The following TTC28 variants were observed in gnomAD, a reference collection of about 807,000 sequenced individuals.
The protein encoded by TTC28 is tetratricopeptide repeat domain 28, also known as tetratricopeptide repeat protein 28.
TTC28 carries 61 observed loss-of-function variants against 198.0 expected under a neutral mutation model. The ratio of observed to expected loss-of-function variants is 0.31; its 90% CI spans 0.25 to 0.38. TTC28 has a LOEUF of 0.38. TTC28 is among the 10% of genes least tolerant of loss of function. TTC28 has a pLI of 1.00. For missense variants in TTC28, 2,678 were observed against 3,164.0 expected (o/e 0.85, Z 3.69); for synonymous variants, 1,171 against 1,297.8 (o/e 0.90, Z 2.10).
chr22:28,422,986 G>GT lies in TTC28; in HGVS notation c.382-116344dup, dbSNP rs572072251. Among the ~76,000 whole-genome samples the GT allele has an allele frequency of 3.3e-5, 5 of 152,158 alleles. No individual in the cohort carries two copies. The South Asian group carries it at 1.0e-3, about 32-fold the overall frequency. On this transcript the variant is annotated intron_variant, in intron 2 of 22. Coordinates refer to ENST00000397906, the MANE Select transcript of TTC28 (RefSeq NM_001145418.2). ...CTTAAAATAGTGAAAGCAGAGTTTG[G>GT]TTTTTTAATGAAGAAATACAGATAA...
At chr22:28,063,886 C>T (rs1940649207) in intron 12 of TTC28, among the ~76,000 whole-genome samples, 1 of 152,054 alleles carries the variant, frequency 6.6e-6, no homozygotes, top group African/African-American at 2.4e-5. Flanking sequence ...TGCAGGGCGG[C>T]CGAGCAACAG....
chr22:28,643,477 T>C (rs2051402329), intron 1 of TTC28, among the ~76,000 whole-genome samples: 1 of 152,204 alleles, frequency 6.6e-6, no homozygotes, highest in South Asian at 2.1e-4. Flanking sequence ...TCCCAGTCCT[T>C]GGGTCAATTA....
At chr22:28,032,750 A>C (rs910412703) in intron 12 of TTC28, among the ~76,000 whole-genome samples, 2 of 151,982 alleles carry the variant, frequency 1.3e-5, no homozygotes, top group African/African-American at 2.4e-5. Flanking sequence ...CCCTCCCCCT[A>C]AAAGGCTCTA....
At chr22:28,527,445 T>G (rs1163403374) in intron 2 of TTC28, among the ~76,000 whole-genome samples, 1 of 152,170 alleles carries the variant, frequency 6.6e-6, no homozygotes, top group African/African-American at 2.4e-5. Context: ...TGCTTCAAGC[T>G]TGCCTAGTTA....
rs1437057404 is a variant in TTC28, at chr22:28,107,230, G to C, written c.2615C>G (p.Ser872Cys). 1 of 1,551,702 alleles carries C rather than the reference G, an allele frequency of 6.4e-7. No individual in the cohort carries two copies. Residue 872 changes from serine (S) to cysteine (C), a missense_variant, in exon 7 of 23, where the codon TCT becomes TGT. Physicochemically the swap from Ser to Cys is moderately radical, Grantham distance 112. This residue lies in a region of TTC28 where 775 missense variants were observed against 845.9 expected (regional missense o/e 0.92). Transcript: ENST00000397906. ...ATAGGCCCGGCCCCTGTCGAGCACA[G>C]ACTCATTTCCACTTAGCTGCTGCAG... ...AMLQQLSGNESVLDRGRAYGN... is the reference protein window; with the variant it reads ...AMLQQLSGNECVLDRGRAYGN...
At chr22:28,414,545 T>C (rs2047139371) in intron 2 of TTC28, among the ~76,000 whole-genome samples, 1 of 152,140 alleles carries the variant, frequency 6.6e-6, no homozygotes, top group East Asian at 1.9e-4. Context: ...CCCAGAGACA[T>C]GTGTGTCAGA....
intron 5 of TTC28, among the ~76,000 whole-genome samples, chr22:28,199,003 TGTCA>T (rs1406848077): frequency 6.6e-6 from 1 of 152,120 alleles, no homozygotes; most frequent in African/African-American, 2.4e-5. Flanking sequence ...GTTCAGTCCC[TGTCA>T]GTGTCACAAC....
At chr22:28,413,231 C>G (rs1346695963) in intron 2 of TTC28, among the ~76,000 whole-genome samples, 3 of 151,954 alleles carry the variant, frequency 2.0e-5, no homozygotes, top group Non-Finnish European at 4.4e-5. Context: ...GTCAAGAGAT[C>G]AAGACCATCC....
chr22:28,497,244 C>T (rs1376184591), intron 2 of TTC28, among the ~76,000 whole-genome samples: 1 of 152,084 alleles, frequency 6.6e-6, no homozygotes, highest in Non-Finnish European at 1.5e-5. Context: ...ATATCCCTAA[C>T]ACAGAGTAGA....
intron 11 of TTC28, among the ~76,000 whole-genome samples, 160 bp from the exon 12 acceptor site, chr22:28,094,405 G>A (rs546491488): frequency 6.6e-6 from 1 of 152,208 alleles, no homozygotes; most frequent in Non-Finnish European, 1.5e-5. Flanking sequence ...GGTCTCAAGA[G>A]GGCTTTCTCT....
At chr22:28,464,251 G>T (rs1473496181) in intron 2 of TTC28, among the ~76,000 whole-genome samples, 2 of 152,188 alleles carry the variant, frequency 1.3e-5, no homozygotes, top group Non-Finnish European at 2.9e-5. Context: ...AAAAGGGAAA[G>T]AAGGACTTTG....
intron 5 of TTC28, 61 bp from the exon 6 acceptor site, chr22:28,163,660 T>C (rs1921514304): frequency 2.1e-6 from 3 of 1,456,344 alleles, no homozygotes; most frequent in Non-Finnish European, 1.8e-6. Context: ...TGGTATATTT[T>C]GGCAGATAAA....
At chr22:28,366,829 GAA>G (rs1210788160) in intron 2 of TTC28, among the ~76,000 whole-genome samples, 3 of 151,772 alleles carry the variant, frequency 2.0e-5, no homozygotes, top group African/African-American at 7.3e-5. Context: ...AAAACTGTAA[GAA>G]GAGACAAAGA....
At chr22:28,275,579 C>A (rs1932366991) in intron 5 of TTC28, among the ~76,000 whole-genome samples, 1 of 152,060 alleles carries the variant, frequency 6.6e-6, no homozygotes, top group Non-Finnish European at 1.5e-5. Flanking sequence ...CATGTTTTAA[C>A]TTATAATTGT....
intron 12 of TTC28, among the ~76,000 whole-genome samples, chr22:28,045,022 C>T (rs1290524078): frequency 3.3e-5 from 5 of 152,034 alleles, no homozygotes; most frequent in Non-Finnish European, 1.5e-5. Context: ...TTGGAAGGCC[C>T]CATTACTTGT....
rs181681617 is a variant in TTC28 at position 28,042,827 on chromosome 22, G to A, written c.3933-12461C>T. On this transcript the variant is annotated intron_variant, in intron 12 of 22. Transcript: ENST00000397906. ...TGCCTCACATAGGAGAAGAACCCAA[G>A]AAACAGAGAAGCGATGTGAGTCTTT... 1.6e-3 allele frequency among the ~76,000 whole-genome samples: 238 copies of A among 152,272 alleles called. 1 individual carries two copies. Among genetic ancestry groups the A allele is most frequent in the Non-Finnish European group, 3.0e-3 (203 of 68,020 alleles).
At chr22:28,182,689 C>T (rs1923814056) in intron 5 of TTC28, among the ~76,000 whole-genome samples, 1 of 152,154 alleles carries the variant, frequency 6.6e-6, no homozygotes, top group South Asian at 2.1e-4. Flanking sequence ...AAATGCATGG[C>T]TTTTGAATGC....
intron 6 of TTC28, among the ~76,000 whole-genome samples, chr22:28,129,631 G>C (rs531550280): frequency 6.0e-4 from 92 of 152,328 alleles, no homozygotes; most frequent in African/African-American, 2.1e-3. Context: ...TACTTAGGTA[G>C]AGTGCCTGGC....
In TTC28 at chr22:27,998,871, C is replaced by T. The variant is rs1447318103; in HGVS notation, c.4788G>A (p.Ser1596=). 37 of 1,550,146 alleles carry T rather than the reference C, an allele frequency of 2.4e-5. No individual in the cohort carries two copies. The highest frequency in any genetic ancestry group is 4.1e-5 in the African/African-American group (3 of 73,188). Residue 1596 remains serine, a synonymous_variant, in exon 16 of 23, where the codon TCG becomes TCA. Transcript: ENST00000397906. ...QDDASDGESI[S]DCPPLQELLL... Reference sequence around the variant, plus strand: ...GCAGCTCCTGCAGGGGCGGGCAGTCCGAGATGCTCTCCCCATCACTGGCAT... The same window carrying T: ...GCAGCTCCTGCAGGGGCGGGCAGTCTGAGATGCTCTCCCCATCACTGGCAT...
Sources: allele counts gnomAD v4.1 joint callset (sites outside exome capture counted in the v4.1 genomes callset), GRCh38; gene constraint gnomAD v4.1.1; regional missense constraint gnomAD v4.1.1; transcripts MANE v1.5; gene names NCBI Gene and HGNC (gene_info 2026-07-23, HGNC 2026-07-21).